XPO6: variants seen among roughly 807,000 people sequenced by gnomAD.
XPO6 encodes exportin-6.
A neutral mutation model predicts 130.0 loss-of-function variants in XPO6; 3 were observed. The ratio of observed to expected loss-of-function variants is 0.02; its 90% CI spans 0.01 to 0.06. The LOEUF is 0.06. XPO6 is among the 10% of genes least tolerant of loss of function. The probability of loss-of-function intolerance (pLI) is 1.00; values close to 1 mark genes in which losing one functional copy is unlikely to be tolerated. For synonymous variants in XPO6, 524 were observed against 548.9 expected (o/e 0.95, Z 0.63); for missense variants, 970 against 1,393.0 (o/e 0.70, Z 4.83).
chr16:28,105,277 G>T (rs2086749517), intron 20 of XPO6, among the ~76,000 whole-genome samples: 1 of 152,220 alleles, frequency 6.6e-6, no homozygotes, highest in Non-Finnish European at 1.5e-5. Flanking sequence ...CCAGTAGCCA[G>T]GATTCTGAGA....
intron 14 of XPO6, among the ~76,000 whole-genome samples, chr16:28,120,339 T>G (rs944607077): frequency 2.6e-5 from 4 of 152,208 alleles, no homozygotes; most frequent in Admixed American, 2.6e-4. Context: ...AAATTAGCAG[T>G]TGGGTAAGAA....
intron 9 of XPO6, among the ~76,000 whole-genome samples, chr16:28,140,244 A>G (rs2042864376): frequency 6.6e-6 from 1 of 151,926 alleles, no homozygotes; most frequent in African/African-American, 2.4e-5. Context: ...AAAAAAAAAA[A>G]AAAAGACATG....
intron 8 of XPO6, among the ~76,000 whole-genome samples, chr16:28,151,904 G>A (rs1596886349): frequency 6.6e-6 from 1 of 152,266 alleles, no homozygotes; most frequent in Admixed American, 6.5e-5. Context: ...ACACCAACAG[G>A]CACGGGGGAT....
rs2042690375 is a variant in XPO6, at chr16:28,132,474, T to C, written c.1537-71A>G. The C allele has an allele frequency of 9.8e-7, 1 of 1,020,188 alleles. No homozygotes were observed. The allele number at this position is 1,020,188 out of a possible 1,614,324, so 63.2% of individuals were successfully genotyped here. On this transcript the variant is annotated intron_variant, in intron 11 of 23. Transcript: ENST00000304658. The surrounding 1 kb of genome is among the most constrained non-coding windows in gnomAD (Gnocchi z 4.0). ...GCAAGTTTTAATAGCATTTTAACAT[T>C]ACAACATTAACACGTAACTATGGTG...
chr16:28,195,334 A>T (rs2043841565), intron 1 of XPO6, among the ~76,000 whole-genome samples: 1 of 152,232 alleles, frequency 6.6e-6, no homozygotes, highest in African/African-American at 2.4e-5. Flanking sequence ...TTGGTTAAAT[A>T]AGGTACATCC....
chr16:28,173,218 T>C (rs2043482827), intron 4 of XPO6: 1 of 152,206 alleles, frequency 6.6e-6, no homozygotes, highest in Non-Finnish European at 1.5e-5. Flanking sequence ...CCCCCACGGA[T>C]ACAGAGGGAT....
At chr16:28,145,976 C>G (rs1325786098) in intron 9 of XPO6, 118 bp downstream of exon 9, 1 of 689,918 alleles carries the variant, frequency 1.4e-6, no homozygotes, top group Non-Finnish European at 2.5e-6. Context: ...GCATTATTGC[C>G]TAAACAGCTT....
chr16:28,104,790 A>T (rs1411706916), intron 20 of XPO6, 83 bp from the exon 21 acceptor site: 20 of 1,494,410 alleles, frequency 1.3e-5, no homozygotes, highest in Admixed American at 3.7e-5. Context: ...TGCCTAGGAG[A>T]CGCCTCGTGA....
At chr16:28,206,908 T>C (rs2044039896) in intron 1 of XPO6, among the ~76,000 whole-genome samples, 1 of 152,118 alleles carries the variant, frequency 6.6e-6, no homozygotes, top group Non-Finnish European at 1.5e-5. Flanking sequence ...TAAATTTCAG[T>C]TCTGATTCTG....
intron 9 of XPO6, among the ~76,000 whole-genome samples, chr16:28,140,078 A>G (rs1449096406): frequency 1.3e-5 from 2 of 151,976 alleles, no homozygotes; most frequent in African/African-American, 4.8e-5. Context: ...CTAAAAATAC[A>G]AAAATTAGCC....
At chr16:28,202,721 G>C (rs1278966543) in intron 1 of XPO6, among the ~76,000 whole-genome samples, 1 of 152,200 alleles carries the variant, frequency 6.6e-6, no homozygotes, top group Non-Finnish European at 1.5e-5. Flanking sequence ...GATGTTGTCA[G>C]AACACTGGAT....
chr16:28,209,431 G>C (rs2141922616), intron 1 of XPO6, among the ~76,000 whole-genome samples: 1 of 152,186 alleles, frequency 6.6e-6, no homozygotes, highest in East Asian at 1.9e-4. Context: ...CCTGAGGTCA[G>C]GAATTCAAGA....
intron 2 of XPO6, 63 bp from the exon 3 acceptor site, chr16:28,177,395 GC>G (rs1293186293): frequency 1.1e-6 from 1 of 927,204 alleles, no homozygotes; most frequent in Non-Finnish European, 1.7e-6. Context: ...ACAAGACTGG[GC>G]TATCTTATTA....
intron 20 of XPO6, chr16:28,105,586 C>T (rs931407709): frequency 1.1e-4 from 17 of 156,048 alleles, no homozygotes; most frequent in African/African-American, 4.1e-4. Flanking sequence ...TAAATCTATA[C>T]TTATTCCGGG....
intron 7 of XPO6, chr16:28,153,771 A>T: frequency 3.0e-6 from 3 of 985,460 alleles, no homozygotes; most frequent in Non-Finnish European, 3.6e-6. Context: ...ATAATGGCTA[A>T]AAGCAATTCT....
rs1481586630 is a variant in XPO6 at position 28,211,651 on chromosome 16, T to C, written c.-283A>G. ...CTCGGATGCCGGCGAGGAGGGCAGC[T>C]GCTCGGGACCCCCGCCCGGGCCCGA... On this transcript the variant is annotated 5_prime_UTR_variant, in exon 1 of 24. Transcript: ENST00000304658. The C allele has an allele frequency of 1.6e-5, 6 of 385,080 alleles. No homozygotes were observed. Among genetic ancestry groups the C allele is most frequent in the African/African-American group, 2.3e-5 (1 of 44,426 alleles). 23.9% of individuals were successfully genotyped at this position (385,080 alleles called of 1,614,324 possible). A position where few individuals can be genotyped will look rare whatever the true frequency, so the allele number is the denominator to read the frequency against.
intron 1 of XPO6, among the ~76,000 whole-genome samples, chr16:28,187,964 C>CT (rs2043721543): frequency 6.6e-6 from 1 of 152,046 alleles, no homozygotes; most frequent in Non-Finnish European, 1.5e-5. Flanking sequence ...TAATAAGGTG[C>CT]TTTTCCCTAA....
At chr16:28,130,709 C>T (rs2042651748) in intron 12 of XPO6, among the ~76,000 whole-genome samples, 1 of 152,190 alleles carries the variant, frequency 6.6e-6, no homozygotes, top group African/African-American at 2.4e-5. Context: ...TGCCAGTAAA[C>T]AGGCTTTAGT....
chr16:28,118,867 C>T (rs558067140), intron 14 of XPO6, among the ~76,000 whole-genome samples: 8 of 152,186 alleles, frequency 5.3e-5, no homozygotes, highest in African/African-American at 7.2e-5. Context: ...ATCACCCCCC[C>T]AGACTTGAGC....
Sources: allele counts gnomAD v4.1 joint callset (sites outside exome capture counted in the v4.1 genomes callset), GRCh38; gene constraint gnomAD v4.1.1; non-coding constraint Gnocchi (gnomAD v3.1); transcripts MANE v1.5; gene names NCBI Gene and HGNC (gene_info 2026-07-23, HGNC 2026-07-21).